Variants in EPB41L3 observed in about 807,000 individuals in gnomAD.
EPB41L3 encodes the protein band 4.1-like protein 3.
Under a neutral mutation model 127.1 loss-of-function variants are expected in EPB41L3, and 57 were observed. That is an observed-to-expected ratio of 0.45 (90% CI 0.36 to 0.56). The LOEUF is 0.56. Among genes scored for constraint, EPB41L3 ranks in the 20% least tolerant of loss-of-function variants. EPB41L3 has a pLI of 0.00. For synonymous variants in EPB41L3, 572 were observed against 549.5 expected (o/e 1.04, Z -0.57); for missense variants, 1,273 against 1,372.2 (o/e 0.93, Z 1.14).
intron 14 of EPB41L3, among the ~76,000 whole-genome samples, chr18:5,409,430 T>C (rs1448341752): frequency 1.3e-5 from 2 of 152,208 alleles, no homozygotes; most frequent in Non-Finnish European, 2.9e-5. Flanking sequence ...AGCTTTGTTA[T>C]AGTTGGCAAA....
At chr18:5,394,608 G>T in intron 22 of EPB41L3, 69 bp downstream of exon 22, 3 of 1,140,154 alleles carry the variant, frequency 2.6e-6, no homozygotes, top group East Asian at 4.7e-5. Context: ...TCAGGTGAAG[G>T]ATGAGAGGGA....
intron 3 of EPB41L3, among the ~76,000 whole-genome samples, chr18:5,599,211 A>G (rs1049613928): frequency 6.6e-6 from 1 of 152,214 alleles, no homozygotes; most frequent in South Asian, 2.1e-4. Context: ...AGAATTAAAT[A>G]CATCATGTAT....
intron 1 of EPB41L3, among the ~76,000 whole-genome samples, chr18:5,492,767 T>A (rs2148366196): frequency 6.6e-6 from 1 of 152,350 alleles, no homozygotes; most frequent in South Asian, 2.1e-4. Context: ...TTTGGATTCC[T>A]GGAAACTCCA....
chr18:5,433,821 T>A (rs1037385465), intron 7 of EPB41L3, 82 bp downstream of exon 7: 39 of 1,454,622 alleles, frequency 2.7e-5, no homozygotes, highest in Non-Finnish European at 3.5e-5. Context: ...TGGACTGAAA[T>A]CAGTACTGGG....
intron 3 of EPB41L3, among the ~76,000 whole-genome samples, chr18:5,458,064 A>G (rs2083394477): frequency 6.6e-6 from 1 of 152,204 alleles, no homozygotes; most frequent in African/African-American, 2.4e-5. Flanking sequence ...ATCAAGCTAA[A>G]TAAATGCATC....
rs182747777 is a variant in EPB41L3 at position 5,457,802 on chromosome 18, G to C, written c.382-12558C>G. On this transcript the variant is annotated intron_variant, in intron 3 of 22. Transcript: ENST00000341928. ...ACGCCCCGAAGCCTTCTACCCGTTC[G>C]TCCTTCTCTCCACCACTCAAGCACC... Among the ~76,000 whole-genome samples the C allele has an allele frequency of 2.3e-3, 345 of 152,180 alleles. 3 individuals carry two copies. The highest frequency in any genetic ancestry group is 8.0e-3 in the African/African-American group (333 of 41,506).
chr18:5,540,526 A>C, intron 1 of EPB41L3: 2 of 985,478 alleles, frequency 2.0e-6, no homozygotes, highest in Non-Finnish European at 2.4e-6. Context: ...CTGAGCACAG[A>C]ATTCCCCACA....
At chr18:5,469,137 A>G (rs1020754544) in intron 3 of EPB41L3, among the ~76,000 whole-genome samples, 15 of 152,096 alleles carry the variant, frequency 9.9e-5, no homozygotes, top group Admixed American at 3.3e-4. Context: ...AAAAGCTGTA[A>G]CACACACAGG....
At chr18:5,422,605 T>C (rs2077616104) in intron 11 of EPB41L3, among the ~76,000 whole-genome samples, 1 of 152,176 alleles carries the variant, frequency 6.6e-6, no homozygotes, top group Admixed American at 6.5e-5. Context: ...GACAGAGACC[T>C]AGACATGATT....
chr18:5,600,136 A>G (rs556901359), intron 3 of EPB41L3, among the ~76,000 whole-genome samples: 19 of 152,284 alleles, frequency 1.2e-4, no homozygotes, highest in African/African-American at 4.6e-4. Flanking sequence ...AAAATCATTG[A>G]TCTAAAATTT....
At chr18:5,460,551 A>T (rs2083819823) in intron 3 of EPB41L3, among the ~76,000 whole-genome samples, 1 of 152,250 alleles carries the variant, frequency 6.6e-6, no homozygotes, top group Non-Finnish European at 1.5e-5. Context: ...ATACATAATG[A>T]GGAGCATAAT....
chr18:5,627,585 T>C (rs1472146866), intron 1 of EPB41L3, among the ~76,000 whole-genome samples: 1 of 152,228 alleles, frequency 6.6e-6, no homozygotes. Flanking sequence ...CTTTGGGATA[T>C]ATAGTTTAAT....
intron 3 of EPB41L3, among the ~76,000 whole-genome samples, chr18:5,574,905 C>T (rs1210748352): frequency 1.3e-5 from 2 of 152,024 alleles, no homozygotes; most frequent in East Asian, 1.9e-4. Context: ...CTATAAGAGC[C>T]CTCCAAGCCA....
rs192420016 is a variant in EPB41L3, at chr18:5,536,400, T to C, written c.-12+7513A>G. Among the ~76,000 whole-genome samples the C allele has an allele frequency of 1.7e-3, 258 of 151,448 alleles. 1 individual carries two copies. The highest frequency in any genetic ancestry group is 6.0e-3 in the African/African-American group (247 of 41,218). On this transcript the variant is annotated intron_variant, in intron 1 of 22. Coordinates refer to ENST00000341928, the MANE Select transcript of EPB41L3 (RefSeq NM_012307.5). The stretch of plus-strand genomic sequence containing the variant: ...TTAAGGTAATGATCCTTTATCAATA[T>C]TGCACAAGACCAAAAGAAAATATTT...
chr18:5,394,975 A>G (rs2073104327), intron 21 of EPB41L3, 92 bp downstream of exon 21: 1 of 1,337,928 alleles, frequency 7.5e-7, no homozygotes, highest in Non-Finnish European at 1.1e-6. Context: ...TTCGGAATAC[A>G]TGCTGGACTA....
intron 3 of EPB41L3, among the ~76,000 whole-genome samples, chr18:5,580,143 T>C (rs1036481631): frequency 6.6e-6 from 1 of 152,210 alleles, no homozygotes; most frequent in Non-Finnish European, 1.5e-5. Context: ...CACTTCTGTA[T>C]AGAAACAGAC....
chr18:5,420,293 A>T, intron 11 of EPB41L3: 1 of 238,398 alleles, frequency 4.2e-6, no homozygotes, highest in Non-Finnish European at 8.3e-6. Flanking sequence ...CCAATTCCAC[A>T]CCTAACAGCA....
chr18:5,435,941 C>G (rs941223776), intron 6 of EPB41L3, among the ~76,000 whole-genome samples: 2 of 152,088 alleles, frequency 1.3e-5, no homozygotes, highest in Non-Finnish European at 2.9e-5. Context: ...ATAAAGAATT[C>G]CTACCTTAAA....
intron 3 of EPB41L3, among the ~76,000 whole-genome samples, chr18:5,600,218 C>G (rs897340784): frequency 2.6e-5 from 4 of 152,180 alleles, no homozygotes; most frequent in African/African-American, 9.6e-5. Context: ...AGGGTTGAGG[C>G]ATGGCAAACT....
Sources: allele counts gnomAD v4.1 joint callset (sites outside exome capture counted in the v4.1 genomes callset), GRCh38; gene constraint gnomAD v4.1.1; transcripts MANE v1.5; gene names NCBI Gene and HGNC (gene_info 2026-07-23, HGNC 2026-07-21).